PGCKA1: variants seen among roughly 807,000 people sequenced by gnomAD.
PGCKA1 encodes PDCD10 and GCKIII kinases-associated protein 1.
the PGCKA1 span, among the ~76,000 whole-genome samples, chr4:37,500,931 G>T: frequency 6.6e-6 from 1 of 152,102 alleles, no homozygotes; most frequent in Non-Finnish European, 1.5e-5. Flanking sequence ...AATTAGGACT[G>T]CAGCCCCTTA....
chr4:37,488,620 AC>A, the PGCKA1 span, among the ~76,000 whole-genome samples: 1 of 151,860 alleles, frequency 6.6e-6, no homozygotes, highest in Non-Finnish European at 1.5e-5. Flanking sequence ...CAGTGTGGGA[AC>A]TCTCCTGCCA....
chr4:37,531,138 T>C, the PGCKA1 span, among the ~76,000 whole-genome samples: 57 of 152,234 alleles, frequency 3.7e-4, no homozygotes, highest in Non-Finnish European at 6.2e-4. Flanking sequence ...CTACTTTATC[T>C]GAGGCGTTAT....
At chr4:37,508,247 A>T in the PGCKA1 span, among the ~76,000 whole-genome samples, 1 of 152,034 alleles carries the variant, frequency 6.6e-6, no homozygotes, top group South Asian at 2.1e-4. Flanking sequence ...TTGGATATTG[A>T]TAAGTATCTC....
At chr4:37,458,112 C>T in the PGCKA1 span, among the ~76,000 whole-genome samples, 1 of 152,136 alleles carries the variant, frequency 6.6e-6, no homozygotes, top group Non-Finnish European at 1.5e-5. Context: ...CTTGGTCTAA[C>T]CACCTTAATT....
At chr4:37,476,862 C>A in the PGCKA1 span, among the ~76,000 whole-genome samples, 416 of 152,264 alleles carry the variant, frequency 2.7e-3, 2 homozygotes, top group Non-Finnish European at 4.8e-3. Flanking sequence ...TGACGGCCAC[C>A]CACTGGGATA....
At chr4:37,577,233 G>T in the PGCKA1 span, among the ~76,000 whole-genome samples, 1 of 151,982 alleles carries the variant, frequency 6.6e-6, no homozygotes, top group South Asian at 2.1e-4. Flanking sequence ...TTTGCTGGGA[G>T]ACTTTATTAC....
chr4:37,494,573 C>T, the PGCKA1 span, among the ~76,000 whole-genome samples: 14 of 152,110 alleles, frequency 9.2e-5, no homozygotes, highest in Non-Finnish European at 1.2e-4. Context: ...ATGAACAGTG[C>T]TGCAGTGAAC....
At chr4:37,545,364 TG>T in the PGCKA1 span, among the ~76,000 whole-genome samples, 3 of 152,338 alleles carry the variant, frequency 2.0e-5, no homozygotes, top group East Asian at 5.8e-4. Context: ...CCAGAAACCC[TG>T]TTTCACCCTT....
the PGCKA1 span, among the ~76,000 whole-genome samples, chr4:37,490,379 T>C: frequency 6.6e-6 from 1 of 152,170 alleles, no homozygotes; most frequent in Non-Finnish European, 1.5e-5. Context: ...TTGGTATTTT[T>C]AAAAGACTAG....
chr4:37,577,852 A>G, the PGCKA1 span, among the ~76,000 whole-genome samples: 22,134 of 152,098 alleles, frequency 0.15, 4,391 homozygotes, highest in African/African-American at 0.45. Flanking sequence ...TGTTCATATC[A>G]TTTCCAAAAT....
chr4:37,560,946 C>T, the PGCKA1 span, among the ~76,000 whole-genome samples: 2,691 of 131,234 alleles, frequency 0.021, 46 homozygotes, highest in South Asian at 0.052. Context: ...TTCACTGTGA[C>T]TGTTCCCTTC....
At chr4:37,464,924 A>C in the PGCKA1 span, among the ~76,000 whole-genome samples, 1 of 152,250 alleles carries the variant, frequency 6.6e-6, no homozygotes, top group African/African-American at 2.4e-5. Context: ...GAGTTCACAG[A>C]GAAAGCAGAA....
the PGCKA1 span, among the ~76,000 whole-genome samples, chr4:37,570,200 G>T: frequency 8.0e-6 from 1 of 124,944 alleles, no homozygotes; most frequent in Non-Finnish European, 1.6e-5. Context: ...GAGTTTCACC[G>T]TGTTAGCCAG....
At chr4:37,463,538 C>A in the PGCKA1 span, among the ~76,000 whole-genome samples, 1 of 152,156 alleles carries the variant, frequency 6.6e-6, no homozygotes, top group East Asian at 1.9e-4. Context: ...GAGGCCCCAC[C>A]AAGCCTGATC....
chr4:37,512,953 T>G, the PGCKA1 span, among the ~76,000 whole-genome samples: 14 of 152,136 alleles, frequency 9.2e-5, no homozygotes, highest in East Asian at 9.7e-4. Context: ...CTGGGCGTAG[T>G]GGCACACGCC....
chr4:37,453,936 G>A, the PGCKA1 span: 1 of 153,010 alleles, frequency 6.5e-6, no homozygotes, highest in South Asian at 1.8e-4. Context: ...GCGGGCTCAG[G>A]GCAGCGCGGA....
At chr4:37,548,755 G>C in the PGCKA1 span, among the ~76,000 whole-genome samples, 1 of 152,186 alleles carries the variant, frequency 6.6e-6, no homozygotes, top group Non-Finnish European at 1.5e-5. Flanking sequence ...AATAAAAATA[G>C]GTGCTAAAAG....
the PGCKA1 span, among the ~76,000 whole-genome samples, chr4:37,485,942 C>T: frequency 6.6e-6 from 1 of 152,130 alleles, no homozygotes; most frequent in African/African-American, 2.4e-5. Flanking sequence ...CTGGCAGGTT[C>T]CCCCTGTACA....
At chr4:37,496,669 A>G in the PGCKA1 span, among the ~76,000 whole-genome samples, 966 of 152,324 alleles carry the variant, frequency 6.3e-3, 12 homozygotes, top group African/African-American at 0.022. Flanking sequence ...CAGGAATAGC[A>G]TTGAATCTAT....
Sources: allele counts gnomAD v4.1 joint callset (sites outside exome capture counted in the v4.1 genomes callset), GRCh38; gene constraint gnomAD v4.1.1; transcripts MANE v1.5; gene names NCBI Gene and HGNC (gene_info 2026-07-23, HGNC 2026-07-21).